SH3GL1: variants seen among roughly 807,000 people sequenced by gnomAD.
SH3GL1 encodes endophilin-A2.
Under a neutral mutation model 48.8 loss-of-function variants are expected in SH3GL1, and 21 were observed. The ratio of observed to expected loss-of-function variants is 0.43; its 90% CI spans 0.30 to 0.62. The LOEUF is 0.62. Ranked by LOEUF, SH3GL1 falls within the 20% of genes least tolerant of loss-of-function variation. The pLI, the probability that SH3GL1 is intolerant of heterozygous loss-of-function variation, is 0.11. For synonymous variants in SH3GL1, 282 were observed against 217.5 expected (o/e 1.30, Z -2.61); for missense variants, 454 against 503.0 (o/e 0.90, Z 0.93).
chr19:4,384,263 G>A lies in SH3GL1; in HGVS notation c.45+16061C>T, dbSNP rs139334071. 1.7e-3 allele frequency among the ~76,000 whole-genome samples: 254 copies of A among 152,286 alleles called. 2 individuals are homozygous for A. The highest frequency in any genetic ancestry group is 0.014 in the Middle Eastern group (4 of 294). On this transcript the variant is annotated intron_variant, in intron 1 of 9. Coordinates refer to ENST00000269886, the MANE Select transcript of SH3GL1 (RefSeq NM_003025.4). ...GGAGCCCCCCAGTTCATCCCGCTCC[G>A]GACCACACAGAGCTAACCCTGAGCT...
At position 4,367,118 on chromosome 19, in the gene SH3GL1, G is replaced by T; in HGVS notation, c.46-124C>A. The T allele has an allele frequency of 1.1e-6, 1 of 872,356 alleles. No homozygotes were observed. The highest frequency in any genetic ancestry group is 1.9e-6 in the Non-Finnish European group (1 of 514,582). 54.0% of individuals were successfully genotyped at this position (872,356 alleles called of 1,614,324 possible). On this transcript the variant is annotated intron_variant, in intron 1 of 9. Coordinates refer to ENST00000269886, the MANE Select transcript of SH3GL1 (RefSeq NM_003025.4). The surrounding 1 kb of genome is among the most constrained non-coding windows in gnomAD (Gnocchi z 4.2). The stretch of plus-strand genomic sequence containing the variant: ...CTGGAGGCAGGAGGCCAAGTGATCA[G>T]GACACACACCTCAGGCACTGCCGTG...
chr19:4,380,662 T>C (rs1477652105), intron 1 of SH3GL1, among the ~76,000 whole-genome samples: 1 of 152,204 alleles, frequency 6.6e-6, no homozygotes, highest in Non-Finnish European at 1.5e-5. Context: ...GTCGGCGGTT[T>C]TGAACATGAT....
chr19:4,365,696 C>G (rs1972762333), intron 3 of SH3GL1, 71 bp from the exon 4 acceptor site: 4 of 1,593,092 alleles, frequency 2.5e-6, no homozygotes, highest in Admixed American at 1.7e-5. Context: ...ACTGCAGCCC[C>G]CACATCTCCT....
rs141228555 is a variant in SH3GL1 at position 4,361,792 on chromosome 19, G to T, written c.915C>A (p.Pro305=). The T allele has an allele frequency of 6.2e-7, 1 of 1,605,492 alleles. No individual in the cohort carries two copies. Among genetic ancestry groups the T allele is most frequent in the Non-Finnish European group, 8.5e-7 (1 of 1,178,992 alleles). Residue 305 remains proline (P), a synonymous_variant, in exon 10 of 10, where the codon CCC becomes CCA. Transcript: ENST00000269886. ...GCGCCTTGCAGCTCGGCTGGTCCAGGGGCGCTGGGGGCGGGAGCGGGCTGT... is the reference window on the plus strand; with the variant it reads ...GCGCCTTGCAGCTCGGCTGGTCCAGTGGCGCTGGGGGCGGGAGCGGGCTGT... ...PIRTPSRSMP[P]LDQPSCKALY...
At chr19:4,383,343 T>G (rs763208346) in intron 1 of SH3GL1, among the ~76,000 whole-genome samples, 1 of 151,928 alleles carries the variant, frequency 6.6e-6, no homozygotes, top group Admixed American at 6.6e-5. Flanking sequence ...GTCTCCCGAG[T>G]AGCTGGGACT....
At chr19:4,378,967 C>G (rs1199523965) in intron 1 of SH3GL1, among the ~76,000 whole-genome samples, 2 of 152,242 alleles carry the variant, frequency 1.3e-5, no homozygotes, top group Non-Finnish European at 2.9e-5. Context: ...GAGGCACTCA[C>G]AGGACCACGC....
intron 1 of SH3GL1, among the ~76,000 whole-genome samples, chr19:4,369,104 C>G (rs370994548): frequency 6.6e-6 from 1 of 152,056 alleles, no homozygotes; most frequent in Non-Finnish European, 1.5e-5. Context: ...AAAATCACCT[C>G]GTCACACCCA....
chr19:4,381,992 C>G (rs569366043), intron 1 of SH3GL1, among the ~76,000 whole-genome samples: 8 of 152,086 alleles, frequency 5.3e-5, no homozygotes, highest in African/African-American at 1.9e-4. Context: ...TAAAGCAACA[C>G]AAAGTCTTCA....
At chr19:4,363,348 G>C in intron 7 of SH3GL1, 22 bp downstream of exon 7, 1 of 1,566,470 alleles carries the variant, frequency 6.4e-7, no homozygotes, top group Non-Finnish European at 8.7e-7. Flanking sequence ...AGACTCTGGA[G>C]AGACCAAGGC....
chr19:4,368,253 C>T (rs961527803), intron 1 of SH3GL1, among the ~76,000 whole-genome samples: 1 of 152,226 alleles, frequency 6.6e-6, no homozygotes, highest in African/African-American at 2.4e-5. Context: ...CCGTGTGGTG[C>T]CACACTGCGT....
At chr19:4,385,861 G>A (rs1403163101) in intron 1 of SH3GL1, among the ~76,000 whole-genome samples, 1 of 152,224 alleles carries the variant, frequency 6.6e-6, no homozygotes, top group Non-Finnish European at 1.5e-5. Flanking sequence ...ATACCTCCCA[G>A]ACACCCACAC....
At chr19:4,391,215 C>G (rs925217969) in intron 1 of SH3GL1, among the ~76,000 whole-genome samples, 2 of 152,114 alleles carry the variant, frequency 1.3e-5, no homozygotes, top group Admixed American at 1.3e-4. Context: ...CCCTGGGTGG[C>G]CAGGGGTGGG....
chr19:4,360,759 GCC>G lies in SH3GL1; in HGVS notation c.*839_*840del, dbSNP rs1972584510. 1 of 233,488 alleles carries G rather than the reference GCC, an allele frequency of 4.3e-6. No individual in the cohort carries two copies. The highest frequency in any genetic ancestry group is 8.5e-6 in the Non-Finnish European group (1 of 118,254). 14.5% of individuals were successfully genotyped at this position (233,488 alleles called of 1,614,324 possible). ...GCGCTCACTGGAACCTTTGTGCTTG[GCC>G]CTCGGCAGCGCGGCTGTGGTCCCGT... On this transcript the variant is annotated 3_prime_UTR_variant, in exon 10 of 10. Transcript: ENST00000269886.
rs140262536 is a variant in SH3GL1 at position 4,378,581 on chromosome 19, G to A, written c.46-11587C>T. Reference sequence around the variant, plus strand: ...AATACAAAAATTAGCTGGGCATGGTGGTGCATGCCTGTAATCCCAGCTACT... The same window carrying A: ...AATACAAAAATTAGCTGGGCATGGTAGTGCATGCCTGTAATCCCAGCTACT... On this transcript the variant is annotated intron_variant, in intron 1 of 9. Coordinates refer to ENST00000269886, the MANE Select transcript of SH3GL1 (RefSeq NM_003025.4). Among the ~76,000 whole-genome samples the A allele has an allele frequency of 5.2e-3, 786 of 152,246 alleles. 11 individuals are homozygous for A. The highest frequency in any genetic ancestry group is 0.018 in the African/African-American group (732 of 41,522).
intron 8 of SH3GL1, 105 bp from the exon 9 acceptor site, chr19:4,362,490 A>G: frequency 6.4e-7 from 1 of 1,573,420 alleles, no homozygotes; most frequent in Non-Finnish European, 8.6e-7. Context: ...GGCGGTCCAG[A>G]TGGAGCACGG....
At chr19:4,364,866 T>TGTGTGTGTGTGTGTG (rs1972729372) in intron 4 of SH3GL1, among the ~76,000 whole-genome samples, 2 of 97,130 alleles carry the variant, frequency 2.1e-5, no homozygotes, top group African/African-American at 1.1e-4. Flanking sequence ...ACCCGGCTAA[T>TGTGTGTGTGTGTGTG]TGTGTGTGTG....
chr19:4,395,015 C>A lies in SH3GL1; in HGVS notation c.45+5309G>T, dbSNP rs371918266. 2.8e-4 allele frequency among the ~76,000 whole-genome samples: 42 copies of A among 152,384 alleles called. No individual in the cohort carries two copies. In the South Asian group the frequency reaches 5.4e-3, roughly 20 times the overall value. The stretch of plus-strand genomic sequence containing the variant: ...ATCCCCGGCTGACAGCGCTGATGGG[C>A]GCGTGCCCCTCCTTCAGGAGCCCCG... On this transcript the variant is annotated intron_variant, in intron 1 of 9. Transcript: ENST00000269886.
intron 1 of SH3GL1, among the ~76,000 whole-genome samples, chr19:4,379,284 GGCATGGTGGCTCATGCCT>G (rs1568415836): frequency 6.6e-6 from 1 of 152,028 alleles, no homozygotes; most frequent in African/African-American, 2.4e-5. Flanking sequence ...TGAAACCCCA[GGCATGGTGGCTCATGCCT>G]GTAATCCCAG....
rs1972624358 is a variant in SH3GL1 at position 4,361,816 on chromosome 19, G to GTGGGGC, written c.911-26_911-21dup. 6.4e-7 allele frequency: 1 copy of GTGGGGC among 1,569,852 alleles called. No homozygotes were observed. The highest frequency in any genetic ancestry group is 1.7e-5 in the Admixed American group (1 of 59,824). ...GGGGCGCTGGGGGCGGGAGCGGGCTGTGGGGCTGGGGCTGCTACGCCTCAC... is the reference window on the plus strand; with the variant it reads ...GGGGCGCTGGGGGCGGGAGCGGGCTGTGGGGCTGGGGCTGGGGCTGCTACGCCTCAC... On this transcript the variant is annotated intron_variant, in intron 9 of 9. Transcript: ENST00000269886.
Sources: allele counts gnomAD v4.1 joint callset (sites outside exome capture counted in the v4.1 genomes callset), GRCh38; gene constraint gnomAD v4.1.1; non-coding constraint Gnocchi (gnomAD v3.1); transcripts MANE v1.5; gene names NCBI Gene and HGNC (gene_info 2026-07-23, HGNC 2026-07-21).